The following MYH8 variants were observed in gnomAD, a reference collection of about 807,000 sequenced individuals.
MYH8 encodes the protein myosin-8.
Under a neutral mutation model 233.2 loss-of-function variants are expected in MYH8, and 168 were observed. The observed-to-expected ratio is 0.72, with a 90% CI of 0.64 to 0.82. MYH8 has a LOEUF of 0.82. Among genes scored for constraint, MYH8 ranks in the 40% least tolerant of loss-of-function variants. The pLI is 0.00. For synonymous variants in MYH8, 785 were observed against 850.6 expected (o/e 0.92, Z 1.34); for missense variants, 1,995 against 2,327.8 (o/e 0.86, Z 2.94).
At chr17:10,411,380 A>C (rs890340507) in intron 14 of MYH8, among the ~76,000 whole-genome samples, 2 of 150,456 alleles carry the variant, frequency 1.3e-5, no homozygotes, top group African/African-American at 4.9e-5. Flanking sequence ...TGTCTCAGAA[A>C]AAAAAAAAAA....
chr17:10,410,994 A>C (rs1448762808), intron 14 of MYH8, 47 bp from the exon 15 acceptor site: 3 of 1,613,466 alleles, frequency 1.9e-6, no homozygotes. Flanking sequence ...GTTTTATAGT[A>C]GTAAAATTCA....
chr17:10,390,838 A>T lies in MYH8; in HGVS notation c.5665-235T>A, dbSNP rs112284763. Among the ~76,000 whole-genome samples, 906 of 152,312 alleles carry T rather than the reference A, an allele frequency of 5.9e-3. 8 individuals are homozygous for T. The highest frequency in any genetic ancestry group is 0.021 in the African/African-American group (870 of 41,556). On this transcript the variant is annotated intron_variant, in intron 39 of 39. Coordinates refer to ENST00000403437, the MANE Select transcript of MYH8 (RefSeq NM_002472.3). ...TATAAAGCCCATACATCCTTTTATG[A>T]TTTATGTTCTGTGTGGAAAGGAGGA...
chr17:10,406,205 C>G (rs1239325466), intron 20 of MYH8, 28 bp from the exon 21 acceptor site: 1 of 1,614,070 alleles, frequency 6.2e-7, no homozygotes, highest in East Asian at 2.2e-5. Context: ...CACAAATCAT[C>G]TCCATACTGC....
At chr17:10,399,998 T>G (rs1045340047) in intron 27 of MYH8, among the ~76,000 whole-genome samples, 2 of 152,094 alleles carry the variant, frequency 1.3e-5, no homozygotes, top group African/African-American at 4.8e-5. Context: ...GGTTAGGAGA[T>G]CGAGAGCATC....
rs752582352 is a variant in MYH8 at position 10,406,383 on chromosome 17, T to A, written c.2186A>T (p.Asn729Ile). The change falls in exon 20 of 40, where the codon AAT becomes ATT. Residue 729 changes from asparagine (N) to isoleucine (I), a missense_variant. By Grantham distance (149) the Asn-to-Ile change is moderately radical. Transcript: ENST00000403437. ...CTGTCCCTCTGGAATAGCACTTGCA[T>A]TTAAAACCTTGTATCTGCTCAGTTA... The part of the protein sequence containing the change: ...GDFKQRYKVL[N>I]ASAIPEGQFI... 1.9e-6 allele frequency: 3 copies of A among 1,614,050 alleles called. No homozygotes were observed. The highest frequency in any genetic ancestry group is 2.5e-6 in the Non-Finnish European group (3 of 1,179,942).
In MYH8 at chr17:10,396,185, G is replaced by T; in HGVS notation, c.4653+145C>A. 1 of 935,940 alleles carries T rather than the reference G, an allele frequency of 1.1e-6. No homozygotes were observed. The highest frequency in any genetic ancestry group is 1.6e-6 in the Non-Finnish European group (1 of 618,622). 58.0% of individuals were successfully genotyped at this position (935,940 alleles called of 1,614,324 possible). A position where few individuals can be genotyped will look rare whatever the true frequency, so the allele number is the denominator to read the frequency against. ...TTAGAAATAGAATTGATAGGTCAGAGTATTTACATTTTTAAGGATTTTGAT... is the reference window on the plus strand; with the variant it reads ...TTAGAAATAGAATTGATAGGTCAGATTATTTACATTTTTAAGGATTTTGAT... On this transcript the variant is annotated intron_variant, in intron 33 of 39. Coordinates refer to ENST00000403437, the MANE Select transcript of MYH8 (RefSeq NM_002472.3). This position sits in a 1 kb window ranked among gnomAD's most constrained non-coding sequence, Gnocchi z 4.2.
At position 10,415,472 on chromosome 17, in the gene MYH8, C is replaced by T; in HGVS notation, c.648G>A (p.Gln216=). 6.2e-7 allele frequency: 1 copy of T among 1,614,122 alleles called. No homozygotes were observed. The highest frequency in any genetic ancestry group is 8.5e-7 in the Non-Finnish European group (1 of 1,179,956). The change falls in exon 7 of 40, where the codon CAG becomes CAA. Residue 216 remains glutamine, a splice_region_variant and synonymous_variant. Coordinates refer to ENST00000403437, the MANE Select transcript of MYH8 (RefSeq NM_002472.3). This position sits in a 1 kb window ranked among gnomAD's most constrained non-coding sequence, Gnocchi z 4.1. ...TTTTGACTCTGGCTATCAGACCTAC[C>T]TGCATTTTGCCAGATTCATCCTTCT... The part of the protein sequence containing the change: ...EKKKDESGKM[Q]GTLEDQIISA...
In MYH8 at chr17:10,415,681, G is replaced by T. The variant is rs143332486; in HGVS notation, c.539C>A (p.Thr180Asn). 6.2e-7 allele frequency: 1 copy of T among 1,613,932 alleles called. No homozygotes were observed. The highest frequency in any genetic ancestry group is 8.5e-7 in the Non-Finnish European group (1 of 1,179,884). ...TDRENQSILI[T>N]GESGAGKTVN... ...TCAGAGAAGAAAAAAAATCACATACGTGATCAGGATGGACTGATTCTCTCG... is the reference window on the plus strand; with the variant it reads ...TCAGAGAAGAAAAAAAATCACATACTTGATCAGGATGGACTGATTCTCTCG... Residue 180 changes from threonine (T) to asparagine (N), a missense_variant and splice_region_variant, in exon 6 of 40, where the codon ACC (threonine) becomes AAC (asparagine). Around this residue, in one of 3 missense-constraint regions of MYH8, gnomAD observed 479 missense variants for 600.9 expected, o/e 0.80. Coordinates refer to ENST00000403437, the MANE Select transcript of MYH8 (RefSeq NM_002472.3). The surrounding 1 kb of genome is among the most constrained non-coding windows in gnomAD (Gnocchi z 4.1).
At position 10,406,991 on chromosome 17, in the gene MYH8, G is replaced by T. The variant is rs769670965; in HGVS notation, c.1966-12C>A. The T allele has an allele frequency of 6.2e-7, 1 of 1,601,952 alleles. No individual in the cohort carries two copies. Among genetic ancestry groups the T allele is most frequent in the South Asian group, 1.1e-5 (1 of 90,790 alleles). On this transcript the variant is annotated splice_polypyrimidine_tract_variant and intron_variant, in intron 17 of 39. Transcript: ENST00000403437. ...TTATTTAAATTTTCCTAGAAAACCA[G>T]ACAGAAAGGACTTGATGAAAAAGTT...
Position 10,404,605 on chromosome 17 carries a change from T to A in MYH8, c.2433-20A>T. The A allele has an allele frequency of 1.2e-6, 2 of 1,613,726 alleles. No homozygotes were observed. On this transcript the variant is annotated intron_variant, in intron 21 of 39. Transcript: ENST00000403437. ...GCTTCTCTGCGATGACATGAAAATA[T>A]CAGTGTAGACTAATCCATCAGAGCC...
At position 10,400,924 on chromosome 17, in the gene MYH8, A is replaced by T; in HGVS notation, c.3290T>A (p.Ile1097Asn). The change falls in exon 26 of 40, where the codon ATT (isoleucine) becomes AAT (asparagine). Residue 1097 changes from isoleucine (I) to asparagine (N), a missense_variant. Transcript: ENST00000403437. The surrounding 1 kb of genome is among the most constrained non-coding windows in gnomAD (Gnocchi z 4.0). ...EFEISNLISK[I>N]EDEQAVEIQL... ...AATTTCTACAGCTTGCTCATCTTCAATTTTGCTTATCAAATTGCTGATTTC... is the reference window on the plus strand; with the variant it reads ...AATTTCTACAGCTTGCTCATCTTCATTTTTGCTTATCAAATTGCTGATTTC... 1 of 1,613,812 alleles carries T rather than the reference A, an allele frequency of 6.2e-7. No homozygotes were observed. Among genetic ancestry groups the T allele is most frequent in the Non-Finnish European group, 8.5e-7 (1 of 1,180,024 alleles).
At position 10,410,732 on chromosome 17, in the gene MYH8, GA is replaced by G. The variant is rs2072236402; in HGVS notation, c.1587+44del. ...TTTCTAGAATTGCTTAAGATTTCTG[GA>G]AAGTGATCCTCACAGTCTGCCCTTC... On this transcript the variant is annotated intron_variant, in intron 15 of 39. Transcript: ENST00000403437. The G allele has an allele frequency of 1.9e-6, 3 of 1,613,526 alleles. No individual in the cohort carries two copies. The South Asian group carries it at 3.3e-5, about 18-fold the overall frequency.
chr17:10,405,740 A>G (rs996064256), intron 21 of MYH8, among the ~76,000 whole-genome samples: 3 of 152,256 alleles, frequency 2.0e-5, no homozygotes, highest in Admixed American at 6.5e-5. Context: ...GTGCTTGGAA[A>G]TGATAGATGA....
intron 29 of MYH8, 25 bp downstream of exon 29, chr17:10,398,743 C>A: frequency 6.2e-7 from 1 of 1,613,686 alleles, no homozygotes; most frequent in South Asian, 1.1e-5. Flanking sequence ...TTTGGTTAGT[C>A]AAAAAAATCC....
chr17:10,395,258 C>T lies in MYH8; in HGVS notation c.4837G>A (p.Asp1613Asn). The change falls in exon 34 of 40, where the codon GAT becomes AAT. Residue 1613 changes from aspartate (D) to asparagine (N), a missense_variant. Physicochemically the swap from Asp to Asn is conservative, Grantham distance 23. Transcript: ENST00000403437. ...ATTTTCTTCTTGACTCTCAGAGCAT[C>T]ATTTCTGCTTCTAATCTCTGCATCC... ...TLDAEIRSRN[D>N]ALRVKKKMEG... 1 of 1,614,176 alleles carries T rather than the reference C, an allele frequency of 6.2e-7. No homozygotes were observed. Among genetic ancestry groups the T allele is most frequent in the Non-Finnish European group, 8.5e-7 (1 of 1,180,012 alleles).
At position 10,401,157 on chromosome 17, in the gene MYH8, C is replaced by G; in HGVS notation, c.3143G>C (p.Arg1048Pro). ...EGSLEQEKKL[R>P]MDLERAKRKL... ...CCGCTTTGCTCTTTCTAGATCCATTCGAAGCTTCTTTTCTTGTTCCAGAGA... is the reference window on the plus strand; with the variant it reads ...CCGCTTTGCTCTTTCTAGATCCATTGGAAGCTTCTTTTCTTGTTCCAGAGA... Residue 1048 changes from arginine (R) to proline (P), a missense_variant, in exon 25 of 40, where the codon CGA (arginine) becomes CCA (proline). By Grantham distance (103) the Arg-to-Pro change is moderately radical (BLOSUM62 -2). This residue lies in a region of MYH8 where 1,498 missense variants were observed against 1,680.9 expected (regional missense o/e 0.89). Transcript: ENST00000403437. 6.2e-7 allele frequency: 1 copy of G among 1,613,664 alleles called. No homozygotes were observed. Among genetic ancestry groups the G allele is most frequent in the Non-Finnish European group, 8.5e-7 (1 of 1,179,974 alleles).
chr17:10,402,631 GCACA>G (rs147224739), intron 22 of MYH8, among the ~76,000 whole-genome samples: 2 of 149,834 alleles, frequency 1.3e-5, no homozygotes, highest in African/African-American at 2.4e-5. Context: ...ACATGTGCAC[GCACA>G]CACACACACA....
At position 10,409,428 on chromosome 17, in the gene MYH8, A is replaced by G; in HGVS notation, c.1748T>C (p.Ile583Thr). 1.9e-6 allele frequency: 3 copies of G among 1,614,208 alleles called. No homozygotes were observed. The highest frequency in any genetic ancestry group is 2.5e-6 in the Non-Finnish European group (3 of 1,180,046). The part of the protein sequence containing the change: ...KGKAEAHFSL[I>T]HYAGTVDYNI... Reference sequence around the variant, plus strand: ...GTAGTCCACAGTGCCAGCATAGTGAATCAGAGAGAAGTGGGCCTCAGCCTT... The same window carrying G: ...GTAGTCCACAGTGCCAGCATAGTGAGTCAGAGAGAAGTGGGCCTCAGCCTT... Residue 583 changes from isoleucine (I) to threonine (T), a missense_variant, in exon 16 of 40, where the codon ATT becomes ACT. By Grantham distance (89) the Ile-to-Thr change is moderately conservative. Transcript: ENST00000403437.
intron 1 of MYH8, 102 bp downstream of exon 1, chr17:10,421,828 A>G (rs990708359): frequency 6.6e-6 from 1 of 152,192 alleles, no homozygotes; most frequent in Non-Finnish European, 1.5e-5. Flanking sequence ...TATGAAGACA[A>G]AAGTTAAGAT....
Sources: allele counts gnomAD v4.1 joint callset (sites outside exome capture counted in the v4.1 genomes callset), GRCh38; gene constraint gnomAD v4.1.1; regional missense constraint gnomAD v4.1.1; non-coding constraint Gnocchi (gnomAD v3.1); transcripts MANE v1.5; gene names NCBI Gene and HGNC (gene_info 2026-07-23, HGNC 2026-07-21).